Variants in CUX1 observed in about 807,000 individuals in gnomAD.
The protein encoded by CUX1 is cut like homeobox 1, also known as protein CASP.
Under a neutral mutation model 158.8 loss-of-function variants are expected in CUX1, and 31 were observed. The observed-to-expected ratio is 0.20, with a 90% CI of 0.15 to 0.26. The LOEUF is 0.26. CUX1 is among the 10% of genes least tolerant of loss of function. The pLI is 1.00. For missense variants in CUX1, 1,589 were observed against 2,014.6 expected (o/e 0.79, Z 4.04); for synonymous variants, 879 against 862.1 (o/e 1.02, Z -0.34).
chr7:102,197,615 T>C (rs553508330), intron 15 of CUX1, among the ~76,000 whole-genome samples: 13 of 152,286 alleles, frequency 8.5e-5, no homozygotes, highest in South Asian at 2.1e-4. Context: ...TCCGTATGCT[T>C]AGTGGCCGCG....
intron 6 of CUX1, among the ~76,000 whole-genome samples, chr7:102,110,715 C>G (rs906108608): frequency 1.3e-5 from 2 of 152,166 alleles, no homozygotes; most frequent in Admixed American, 6.6e-5. Context: ...TAGGCTGTTA[C>G]ATATCATATG....
intron 11 of CUX1, among the ~76,000 whole-genome samples, chr7:102,183,205 G>C (rs946719075): frequency 2.6e-5 from 4 of 152,144 alleles, no homozygotes; most frequent in African/African-American, 9.7e-5. Context: ...GTAGAGACAG[G>C]GTTTCACCAT....
chr7:101,909,108 A>T (rs887314563), intron 1 of CUX1, among the ~76,000 whole-genome samples: 12 of 150,904 alleles, frequency 8.0e-5, no homozygotes, highest in African/African-American at 2.9e-4. Flanking sequence ...TAGGTTTGGT[A>T]GGCTGAGGCG....
intron 3 of CUX1, among the ~76,000 whole-genome samples, chr7:102,031,423 G>C (rs1820772168): frequency 6.6e-6 from 1 of 152,064 alleles, no homozygotes; most frequent in Non-Finnish European, 1.5e-5. Flanking sequence ...TTATCTTGTA[G>C]ATTAGCCCAC....
chr7:102,220,446 G>T (rs782140005), intron 20 of CUX1, among the ~76,000 whole-genome samples: 3 of 152,218 alleles, frequency 2.0e-5, no homozygotes, highest in Non-Finnish European at 4.4e-5. Flanking sequence ...AACCACCAGG[G>T]GGTGTGGTCT....
intron 3 of CUX1, among the ~76,000 whole-genome samples, chr7:102,060,512 G>T (rs1004277149): frequency 6.7e-6 from 1 of 149,504 alleles, no homozygotes; most frequent in East Asian, 1.9e-4. Flanking sequence ...CAAGGAGGGA[G>T]TTACTACCCT....
At chr7:102,067,156 C>G (rs1196139045) in intron 3 of CUX1, among the ~76,000 whole-genome samples, 1 of 152,100 alleles carries the variant, frequency 6.6e-6, no homozygotes, top group Non-Finnish European at 1.5e-5. Context: ...TCCCACCCAC[C>G]CCCAGTCTGA....
At chr7:102,014,427 A>T (rs916572176) in intron 2 of CUX1, among the ~76,000 whole-genome samples, 11 of 152,136 alleles carry the variant, frequency 7.2e-5, no homozygotes, top group African/African-American at 2.2e-4. Context: ...GATACGCTCT[A>T]CGCTCTGCAG....
At chr7:102,108,334 A>G (rs1554489160) in intron 6 of CUX1, among the ~76,000 whole-genome samples, 2 of 152,130 alleles carry the variant, frequency 1.3e-5, no homozygotes. Flanking sequence ...TGGGAATTAA[A>G]TATTATTAAG....
In CUX1 at chr7:102,196,868, G is replaced by A. The variant is rs984567560; in HGVS notation, c.1457G>A (p.Arg486Gln). Residue 486 changes from arginine (R) to glutamine (Q), a missense_variant, in exon 15 of 24, where the codon CGG (arginine) becomes CAG (glutamine). Transcript: ENST00000292535. Reference sequence around the variant, plus strand: ...TTTGCACTAAACTCTCTTCTCCAGCGGCAGCTAATGCAGTCCTTCTACTCC... The same window carrying A: ...TTTGCACTAAACTCTCTTCTCCAGCAGCAGCTAATGCAGTCCTTCTACTCC... ...GKFALNSLLQ[R>Q]QLMQSFYSKA... 2.5e-6 allele frequency: 4 copies of A among 1,614,008 alleles called. No individual in the cohort carries two copies. The highest frequency in any genetic ancestry group is 1.7e-6 in the Non-Finnish European group (2 of 1,180,026).
At chr7:101,889,172 T>C (rs1013105469) in intron 1 of CUX1, among the ~76,000 whole-genome samples, 3 of 150,822 alleles carry the variant, frequency 2.0e-5, no homozygotes, top group African/African-American at 7.3e-5. Flanking sequence ...GGTGGGAGGA[T>C]TGGTTGAGTC....
At chr7:101,987,404 A>C (rs67101142) in intron 2 of CUX1, among the ~76,000 whole-genome samples, 25,929 of 152,142 alleles carry the variant, frequency 0.17, 2,463 homozygotes, top group Middle Eastern at 0.22. Context: ...TCAGCTTCTC[A>C]TAGGTTCAAG....
At chr7:101,961,894 A>G (rs1810546160) in intron 2 of CUX1, 3 of 151,592 alleles carry the variant, frequency 2.0e-5, no homozygotes. Flanking sequence ...AAAAAAAAAA[A>G]TTGCAGAGAG....
chr7:102,027,735 G>A (rs185803901), intron 2 of CUX1, among the ~76,000 whole-genome samples: 3 of 152,192 alleles, frequency 2.0e-5, no homozygotes, highest in Non-Finnish European at 4.4e-5. Context: ...GGTGGCGTAC[G>A]CCTGTAGTCT....
chr7:102,117,470 C>T (rs7776498), intron 8 of CUX1, among the ~76,000 whole-genome samples: 33,783 of 148,464 alleles, frequency 0.23, 4,233 homozygotes, highest in Non-Finnish European at 0.29. Flanking sequence ...CTCATAGTAC[C>T]GGCAGGGTTT....
At chr7:102,001,711 G>C (rs1448637185) in intron 2 of CUX1, among the ~76,000 whole-genome samples, 1 of 152,176 alleles carries the variant, frequency 6.6e-6, no homozygotes, top group African/African-American at 2.4e-5. Flanking sequence ...TTCAGCACCT[G>C]GTGGTCAGGA....
intron 21 of CUX1, among the ~76,000 whole-genome samples, chr7:102,228,277 A>G (rs907513386): frequency 5.9e-5 from 9 of 152,052 alleles, no homozygotes; most frequent in Non-Finnish European, 1.2e-4. Flanking sequence ...ATGTATCTCA[A>G]TAGAGACAGT....
At chr7:101,863,358 C>CT (rs973008077) in intron 1 of CUX1, among the ~76,000 whole-genome samples, 37 of 120,774 alleles carry the variant, frequency 3.1e-4, no homozygotes, top group Middle Eastern at 3.9e-3. Context: ...TTTTTTTCTT[C>CT]TTTTTTTTTT....
intron 3 of CUX1, among the ~76,000 whole-genome samples, chr7:102,041,867 C>T (rs1822153161): frequency 1.3e-5 from 2 of 152,034 alleles, no homozygotes; most frequent in South Asian, 2.1e-4. Context: ...CGGGATTTTG[C>T]CATGTTGGCC....
Sources: gnomAD v4.1 joint callset for allele counts (sites outside exome capture counted in the v4.1 genomes callset) on GRCh38, gnomAD v4.1.1 for gene constraint, MANE v1.5 for transcripts, NCBI Gene and HGNC (gene_info 2026-07-23, HGNC 2026-07-21) for gene names.